Variants in LRMDA observed in about 807,000 individuals in gnomAD.
LRMDA encodes the protein leucine rich melanocyte differentiation associated.
Under a neutral mutation model 29.8 loss-of-function variants are expected in LRMDA, and 18 were observed. That is an observed-to-expected ratio of 0.60 (90% CI 0.42 to 0.90). The LOEUF is 0.90. Among genes scored for constraint, LRMDA ranks in the 40% least tolerant of loss-of-function variants. LRMDA has a pLI of 0.00. For synonymous variants in LRMDA, 125 were observed against 109.4 expected (o/e 1.14, Z -0.89); for missense variants, 273 against 273.9 (o/e 1.00, Z 0.02).
chr10:76,158,594 A>G lies in LRMDA; in HGVS notation c.516+99811A>G, dbSNP rs927514134. Among the ~76,000 whole-genome samples, 2 of 152,192 alleles carry G rather than the reference A, an allele frequency of 1.3e-5. 1 individual carries two copies. Among genetic ancestry groups the G allele is most frequent in the African/African-American group, 4.8e-5 (2 of 41,464 alleles). On this transcript the variant is annotated intron_variant, in intron 5 of 6. Coordinates refer to ENST00000611255, the MANE Select transcript of LRMDA (RefSeq NM_001305581.2). ...TAATAAAAATGTTAAAATCAGTAAC[A>G]TATCACTAACAATATTACTAAAGAT...
At chr10:75,452,571 A>G (rs1357615605) in intron 2 of LRMDA, among the ~76,000 whole-genome samples, 1 of 109,610 alleles carries the variant, frequency 9.1e-6, no homozygotes, top group Non-Finnish European at 1.8e-5. Flanking sequence ...ATTTCAGGAT[A>G]TGACTTTTTT....
chr10:76,184,012 C>T (rs1225826911), intron 5 of LRMDA, among the ~76,000 whole-genome samples: 1 of 151,272 alleles, frequency 6.6e-6, no homozygotes, highest in African/African-American at 2.4e-5. Context: ...GTGAGCCACC[C>T]CACCCGGCCC....
At chr10:76,518,644 G>GA (rs1464207736) in intron 6 of LRMDA, among the ~76,000 whole-genome samples, 3 of 151,874 alleles carry the variant, frequency 2.0e-5, no homozygotes, top group Non-Finnish European at 4.4e-5. Context: ...TGTTAAATAT[G>GA]AAAAAAACTG....
chr10:76,014,974 T>C (rs1013597999), intron 2 of LRMDA, among the ~76,000 whole-genome samples: 7 of 152,258 alleles, frequency 4.6e-5, no homozygotes, highest in African/African-American at 1.7e-4. Flanking sequence ...GTTTAGCTTA[T>C]GTCTCTTCAG....
rs555495355 is a variant in LRMDA at position 75,564,486 on chromosome 10, C to T, written c.131+125992C>T. ...GAACTCCCTGACCCCTTGCGCTTCC[C>T]GAGTGAGGCAATGCCTCATCCTGCT... is the stretch of plus-strand genomic sequence containing the variant. On this transcript the variant is annotated intron_variant, in intron 2 of 6. Transcript: ENST00000611255. Among the ~76,000 whole-genome samples, 19 of 152,372 alleles carry T rather than the reference C, an allele frequency of 1.2e-4. No homozygotes were observed. The South Asian group carries it at 3.7e-3, about 30-fold the overall frequency.
intron 2 of LRMDA, among the ~76,000 whole-genome samples, chr10:75,755,414 T>G (rs968495974): frequency 6.6e-6 from 1 of 152,188 alleles, no homozygotes; most frequent in Non-Finnish European, 1.5e-5. Context: ...ACTCCATTAG[T>G]TGGGGTTGGG....
intron 5 of LRMDA, among the ~76,000 whole-genome samples, chr10:76,293,868 A>G (rs76317327): frequency 0.028 from 4,255 of 152,324 alleles, 127 homozygotes; most frequent in East Asian, 0.096. Flanking sequence ...TTGTTGTAAC[A>G]TTGTAATATT....
intron 5 of LRMDA, among the ~76,000 whole-genome samples, chr10:76,254,589 A>T (rs1359337811): frequency 1.3e-5 from 2 of 152,002 alleles, no homozygotes; most frequent in African/African-American, 4.8e-5. Flanking sequence ...TTTAAGTTTG[A>T]TCATGTTGGC....
chr10:76,424,412 A>C (rs1401817528), intron 6 of LRMDA, among the ~76,000 whole-genome samples: 1 of 152,068 alleles, frequency 6.6e-6, no homozygotes, highest in Non-Finnish European at 1.5e-5. Flanking sequence ...GGTGGCAGGC[A>C]CCTGTAGTCC....
At chr10:75,724,686 C>A (rs1201317649) in intron 2 of LRMDA, among the ~76,000 whole-genome samples, 1 of 152,162 alleles carries the variant, frequency 6.6e-6, no homozygotes, top group African/African-American at 2.4e-5. Context: ...ATCTAAGAAT[C>A]TCAGCGAGTG....
intron 2 of LRMDA, among the ~76,000 whole-genome samples, chr10:75,878,864 C>T (rs1449085811): frequency 6.6e-6 from 1 of 152,148 alleles, no homozygotes; most frequent in Non-Finnish European, 1.5e-5. Flanking sequence ...ACTGTCATCT[C>T]TGTCTCAGGT....
At chr10:75,693,047 G>T (rs577980421) in intron 2 of LRMDA, among the ~76,000 whole-genome samples, 1 of 152,116 alleles carries the variant, frequency 6.6e-6, no homozygotes, top group East Asian at 1.9e-4. Context: ...GAAATGCCGC[G>T]AACAGCCATT....
intron 2 of LRMDA, among the ~76,000 whole-genome samples, chr10:75,980,421 G>A (rs971233584): frequency 3.9e-5 from 6 of 152,188 alleles, no homozygotes; most frequent in African/African-American, 1.2e-4. Context: ...GGGCCCTTCG[G>A]ATATGCAGGG....
At chr10:75,861,376 C>T (rs1044365457) in intron 2 of LRMDA, among the ~76,000 whole-genome samples, 2 of 152,178 alleles carry the variant, frequency 1.3e-5, no homozygotes, top group Non-Finnish European at 2.9e-5. Context: ...TTGAAAGACT[C>T]AAATGGTCTG....
At chr10:76,224,349 A>G (rs1851909788) in intron 5 of LRMDA, among the ~76,000 whole-genome samples, 1 of 151,654 alleles carries the variant, frequency 6.6e-6, no homozygotes, top group African/African-American at 2.4e-5. Context: ...AGGCAGGCAG[A>G]TTGCTTGAGC....
At chr10:76,297,282 A>G (rs562742804) in intron 5 of LRMDA, among the ~76,000 whole-genome samples, 1 of 152,196 alleles carries the variant, frequency 6.6e-6, no homozygotes, top group Non-Finnish European at 1.5e-5. Context: ...ACTATTTCAG[A>G]TATGGCTTGG....
At chr10:75,822,461 A>C (rs1844178708) in intron 2 of LRMDA, among the ~76,000 whole-genome samples, 1 of 152,180 alleles carries the variant, frequency 6.6e-6, no homozygotes, top group South Asian at 2.1e-4. Context: ...TTTAAAAAAA[A>C]ACTTAAAATT....
chr10:76,326,044 A>G (rs1377897005), intron 6 of LRMDA, among the ~76,000 whole-genome samples: 1 of 152,220 alleles, frequency 6.6e-6, no homozygotes, highest in African/African-American at 2.4e-5. Flanking sequence ...GAGCCAACAC[A>G]GACATCTCAA....
chr10:76,300,365 T>C (rs1840465294), intron 5 of LRMDA, among the ~76,000 whole-genome samples: 1 of 152,198 alleles, frequency 6.6e-6, no homozygotes, highest in Non-Finnish European at 1.5e-5. Context: ...AGGAAATTCC[T>C]CAGTGGGAAG....
Sources: allele counts gnomAD v4.1 joint callset (sites outside exome capture counted in the v4.1 genomes callset), GRCh38; gene constraint gnomAD v4.1.1; transcripts MANE v1.5; gene names NCBI Gene and HGNC (gene_info 2026-07-23, HGNC 2026-07-21).